Variants in ZBTB37 observed in about 807,000 individuals in gnomAD.
ZBTB37 encodes zinc finger and BTB domain-containing protein 37.
In ZBTB37, 15 loss-of-function variants were observed where a neutral mutation model predicts 37.7. The ratio of observed to expected loss-of-function variants is 0.40; its 90% CI spans 0.27 to 0.61. The LOEUF is 0.61. Among genes scored for constraint, ZBTB37 ranks in the 20% least tolerant of loss-of-function variants. ZBTB37 has a pLI of 0.44. For missense variants in ZBTB37, 514 were observed against 641.9 expected (o/e 0.80, Z 2.15); for synonymous variants, 231 against 220.6 (o/e 1.05, Z -0.42).
chr1:173,890,267 CT>C (rs1474977638), downstream of ZBTB37: 1 of 152,152 alleles, frequency 6.6e-6, no homozygotes, highest in East Asian at 1.9e-4. Flanking sequence ...CTGGTGAAAA[CT>C]GTATTTATTT....
chr1:173,872,967 A>G lies in ZBTB37; in HGVS notation c.924-500A>G, dbSNP rs1040264345. ...GGTTGCAGTTAGCTGGGATCACGCC[A>G]CTGTACTCCAGCCTGGGCAACAGAG... On this transcript the variant is annotated intron_variant, in intron 3 of 4. Coordinates refer to ENST00000427304, the Ensembl canonical transcript of ZBTB37. Among the ~76,000 whole-genome samples the G allele has an allele frequency of 4.3e-4, 65 of 151,950 alleles. No individual in the cohort carries two copies. The South Asian group carries it at 4.6e-3, about 11-fold the overall frequency.
chr1:173,882,815 G>C (rs950823868), intron 4 of ZBTB37, among the ~76,000 whole-genome samples: 1 of 152,108 alleles, frequency 6.6e-6, no homozygotes, highest in African/African-American at 2.4e-5. Context: ...AGTTTTCCCA[G>C]CACCATTTAT....
At chr1:173,898,515 C>G (rs1032161410) in exon 4 of ZBTB37, 1 of 151,932 alleles carries the variant, frequency 6.6e-6, no homozygotes, top group African/African-American at 2.4e-5. Context: ...TCAGCCTCCC[C>G]AAAGTGATAG....
At chr1:173,892,884 A>G (rs1202055253) in exon 4 of ZBTB37, 2 of 152,156 alleles carry the variant, frequency 1.3e-5, no homozygotes, top group African/African-American at 4.8e-5. Context: ...GCTAGAATAC[A>G]CCATCCGGTT....
At chr1:173,879,349 G>A (rs926720075) in intron 4 of ZBTB37, among the ~76,000 whole-genome samples, 4 of 152,122 alleles carry the variant, frequency 2.6e-5, no homozygotes, top group Non-Finnish European at 5.9e-5. Flanking sequence ...TTTCAGAGTT[G>A]TGTAGTTGCC....
chr1:173,876,912 TTAGA>T (rs1656003543), intron 4 of ZBTB37, among the ~76,000 whole-genome samples: 1 of 152,136 alleles, frequency 6.6e-6, no homozygotes, highest in Non-Finnish European at 1.5e-5. Flanking sequence ...TTACACAAAT[TTAGA>T]TGGTATAACC....
At chr1:173,871,185 C>A in intron 3 of ZBTB37, 37 bp downstream of exon 3, 1 of 1,528,666 alleles carries the variant, frequency 6.5e-7, no homozygotes, top group Non-Finnish European at 8.8e-7. Flanking sequence ...CATGTAATGG[C>A]TATTGTGTAG....
At chr1:173,890,650 C>G (rs1390572481), downstream of ZBTB37, 1 of 152,124 alleles carries the variant, frequency 6.6e-6, no homozygotes, top group Non-Finnish European at 1.5e-5. Context: ...GAGAAGATGT[C>G]CTCAGCAAAA....
At chr1:173,885,385 A>C (rs1489099767) in intron 4 of ZBTB37, among the ~76,000 whole-genome samples, 1 of 152,180 alleles carries the variant, frequency 6.6e-6, no homozygotes, top group Non-Finnish European at 1.5e-5. Flanking sequence ...CAGGGGTTTA[A>C]TAAGCATCCA....
exon 5 of ZBTB37, chr1:173,886,434 A>G: frequency 3.0e-6 from 1 of 327,996 alleles, no homozygotes; most frequent in Non-Finnish European, 5.7e-6. Flanking sequence ...ATAAATGGTC[A>G]TTTATCTATC....
downstream of ZBTB37, chr1:173,891,175 A>T (rs1307014340): frequency 6.6e-6 from 1 of 152,162 alleles, no homozygotes; most frequent in African/African-American, 2.4e-5. Context: ...GTTTAGTTGT[A>T]AGTAAGTTTT....
chr1:173,897,695 C>G (rs1357381557), exon 4 of ZBTB37: 1 of 152,202 alleles, frequency 6.6e-6, no homozygotes, highest in Non-Finnish European at 1.5e-5. Flanking sequence ...CAAGATTGCT[C>G]TGTAGTCCCT....
chr1:173,869,962 A>G (rs548940030), intron 2 of ZBTB37, among the ~76,000 whole-genome samples: 6 of 152,326 alleles, frequency 3.9e-5, no homozygotes, highest in African/African-American at 1.4e-4. Flanking sequence ...TGGTCATAAC[A>G]TGAATTTTTA....
At chr1:173,868,879 G>A (rs1655267977) in intron 1 of ZBTB37, 46 bp from the exon 2 acceptor site, 1 of 152,960 alleles carries the variant, frequency 6.5e-6, no homozygotes, top group Non-Finnish European at 1.5e-5. Context: ...CTGCTCAAGT[G>A]CTGGAGTGGC....
intron 1 of ZBTB37, 98 bp from the exon 2 acceptor site, chr1:173,868,827 A>T (rs1179457117): frequency 6.5e-6 from 1 of 153,208 alleles, no homozygotes; most frequent in African/African-American, 2.4e-5. Context: ...TTTGCCCTTT[A>T]GCCAGTTCCC....
chr1:173,891,180 A>C (rs1434873543), downstream of ZBTB37: 1 of 152,196 alleles, frequency 6.6e-6, no homozygotes, highest in African/African-American at 2.4e-5. Context: ...GTTGTAAGTA[A>C]GTTTTGCCAT....
At chr1:173,875,847 T>G (rs948409570) in intron 4 of ZBTB37, among the ~76,000 whole-genome samples, 2 of 151,680 alleles carry the variant, frequency 1.3e-5, no homozygotes, top group African/African-American at 4.8e-5. Context: ...TTAGTGGAAA[T>G]GGCGTTGCAC....
exon 4 of ZBTB37, chr1:173,901,879 T>G (rs1388921305): frequency 6.6e-6 from 1 of 152,194 alleles, no homozygotes; most frequent in African/African-American, 2.4e-5. Context: ...ATGGACATAG[T>G]CTGAAAGAAA....
At chr1:173,881,364 T>G (rs1434148338) in intron 4 of ZBTB37, among the ~76,000 whole-genome samples, 2 of 152,244 alleles carry the variant, frequency 1.3e-5, no homozygotes, top group African/African-American at 4.8e-5. Context: ...TTGTGGACAT[T>G]TGGATTGGTT....
Sources: allele counts gnomAD v4.1 joint callset (sites outside exome capture counted in the v4.1 genomes callset), GRCh38; gene constraint gnomAD v4.1.1; transcripts MANE v1.5; gene names NCBI Gene and HGNC (gene_info 2026-07-23, HGNC 2026-07-21).